Variants in AEBP2 observed in about 807,000 individuals in gnomAD.
AEBP2 encodes the protein AE binding protein 2.
A neutral mutation model predicts 50.8 loss-of-function variants in AEBP2; 10 were observed. That is an observed-to-expected ratio of 0.20 (90% confidence interval 0.12 to 0.33). The LOEUF (loss-of-function observed/expected upper bound fraction) is 0.33. Among genes scored for constraint, AEBP2 ranks in the 10% least tolerant of loss-of-function variants. The probability of loss-of-function intolerance (pLI) is 1.00; values close to 1 mark genes in which losing one functional copy is unlikely to be tolerated. For missense variants in AEBP2, 570 were observed against 688.0 expected (o/e 0.83, Z 1.92); for synonymous variants, 296 against 261.3 (o/e 1.13, Z -1.28).
At chr12:19,503,328 G>GGT (rs374431120) in intron 5 of AEBP2, among the ~76,000 whole-genome samples, 2,221 of 145,652 alleles carry the variant, frequency 0.015, 49 homozygotes, top group African/African-American at 0.048. Context: ...TGTATTCCTT[G>GGT]GTGTGTGTGT....
intron 1 of AEBP2, among the ~76,000 whole-genome samples, chr12:19,433,404 T>A (rs1461650502): frequency 6.6e-6 from 1 of 151,524 alleles, no homozygotes; most frequent in Admixed American, 6.6e-5. Context: ...AACAAAAAAT[T>A]CTAGTGGACT....
intron 7 of AEBP2, among the ~76,000 whole-genome samples, chr12:19,517,088 C>T (rs1335720639): frequency 2.0e-5 from 3 of 152,136 alleles, no homozygotes; most frequent in Non-Finnish European, 4.4e-5. Context: ...TTTCACTATT[C>T]TGGAAATCAG....
chr12:19,457,731 G>C, intron 1 of AEBP2: 2 of 798,562 alleles, frequency 2.5e-6, no homozygotes, highest in Non-Finnish European at 1.7e-6. Flanking sequence ...TAGTCAGAGA[G>C]ATCTTTTCGG....
At chr12:19,412,329 G>A (rs2095739693) in intron 1 of AEBP2, among the ~76,000 whole-genome samples, 1 of 152,022 alleles carries the variant, frequency 6.6e-6, no homozygotes. Flanking sequence ...CCAGGCTGGA[G>A]TGCAGTGGTG....
intron 1 of AEBP2, chr12:19,456,567 C>T: frequency 6.5e-7 from 1 of 1,540,182 alleles, no homozygotes; most frequent in Non-Finnish European, 9.0e-7. Context: ...AGGGGCATAG[C>T]CAGCACTTAT....
chr12:19,439,671 G>A lies in AEBP2; in HGVS notation c.-29G>A. 7.7e-7 allele frequency: 1 copy of A among 1,305,290 alleles called. No homozygotes were observed. The highest frequency in any genetic ancestry group is 1.0e-6 in the Non-Finnish European group (1 of 971,850). The allele number at this position is 1,305,290 out of a possible 1,614,324, so 80.9% of individuals were successfully genotyped here. ...GAGAGAGGGAGGCGGCGGTGGGGAG[G>A]AGGAGGAGGAGGAGGAGCAGGCGCC... On this transcript the variant is annotated 5_prime_UTR_variant, in exon 1 of 8. Transcript: ENST00000266508.
At chr12:19,517,535 A>G (rs1233881027) in intron 7 of AEBP2, among the ~76,000 whole-genome samples, 1 of 152,244 alleles carries the variant, frequency 6.6e-6, no homozygotes, top group Non-Finnish European at 1.5e-5. Context: ...GATTTAAAGT[A>G]TACAGAAGGA....
chr12:19,511,409 G>A (rs757519276), intron 5 of AEBP2, among the ~76,000 whole-genome samples: 1 of 151,090 alleles, frequency 6.6e-6, no homozygotes, highest in African/African-American at 2.4e-5. Flanking sequence ...GGCTAAAGGC[G>A]TTCAAGGCAG....
At chr12:19,445,698 T>C (rs1032019335) in intron 1 of AEBP2, among the ~76,000 whole-genome samples, 2 of 152,200 alleles carry the variant, frequency 1.3e-5, no homozygotes, top group African/African-American at 4.8e-5. Flanking sequence ...GTTAGATGTA[T>C]GACAAGAGTC....
chr12:19,471,315 T>C (rs1379451560), intron 2 of AEBP2, among the ~76,000 whole-genome samples: 1 of 152,188 alleles, frequency 6.6e-6, no homozygotes, highest in African/African-American at 2.4e-5. Context: ...GACAGGGTTA[T>C]GGCATGTTGC....
At chr12:19,450,665 A>G (rs1368820163) in intron 1 of AEBP2, among the ~76,000 whole-genome samples, 1 of 96,112 alleles carries the variant, frequency 1.0e-5, no homozygotes, top group African/African-American at 3.4e-5. Context: ...TCCCATCTCT[A>G]CCAAAAAAAA....
At chr12:19,470,409 G>A (rs1253312815) in intron 2 of AEBP2, among the ~76,000 whole-genome samples, 4 of 152,150 alleles carry the variant, frequency 2.6e-5, no homozygotes, top group South Asian at 2.1e-4. Flanking sequence ...CACCCACCTC[G>A]GCCTCCTAAA....
chr12:19,487,160 T>C (rs1948821147), intron 3 of AEBP2, among the ~76,000 whole-genome samples: 2 of 152,204 alleles, frequency 1.3e-5, no homozygotes, highest in African/African-American at 4.8e-5. Flanking sequence ...TCTTCAGAAA[T>C]TTTGAATATG....
intron 2 of AEBP2, among the ~76,000 whole-genome samples, chr12:19,472,988 A>G (rs896337230): frequency 9.9e-5 from 15 of 152,236 alleles, no homozygotes; most frequent in African/African-American, 1.7e-4. Context: ...ATATATTGCT[A>G]ATATTATATA....
chr12:19,478,054 G>A (rs113449501), intron 3 of AEBP2, among the ~76,000 whole-genome samples: 4,485 of 152,088 alleles, frequency 0.029, 68 homozygotes, highest in East Asian at 0.044. Context: ...TTTCTAATTG[G>A]GCTTATTTAG....
chr12:19,461,239 CTT>C (rs1387728747), intron 1 of AEBP2, among the ~76,000 whole-genome samples: 1 of 152,098 alleles, frequency 6.6e-6, no homozygotes, highest in Non-Finnish European at 1.5e-5. Flanking sequence ...TGAAAACATT[CTT>C]TCTCTTGACC....
At chr12:19,427,397 A>C (rs2095749131) in intron 1 of AEBP2, among the ~76,000 whole-genome samples, 1 of 151,738 alleles carries the variant, frequency 6.6e-6, no homozygotes. Context: ...AAAAAAAAAA[A>C]AACGCAGAGG....
chr12:19,506,515 G>T (rs1949157778), intron 5 of AEBP2, among the ~76,000 whole-genome samples: 1 of 152,160 alleles, frequency 6.6e-6, no homozygotes, highest in Non-Finnish European at 1.5e-5. Flanking sequence ...TTTGAAAGTT[G>T]TACTCACTGA....
intron 1 of AEBP2, among the ~76,000 whole-genome samples, chr12:19,416,257 A>T (rs117584046): frequency 0.022 from 3,406 of 152,338 alleles, 48 homozygotes; most frequent in East Asian, 0.043. Flanking sequence ...TCTAAAAGTC[A>T]TTCATGTCCA....
Sources: allele counts gnomAD v4.1 joint callset (sites outside exome capture counted in the v4.1 genomes callset), GRCh38; gene constraint gnomAD v4.1.1; transcripts MANE v1.5; gene names NCBI Gene and HGNC (gene_info 2026-07-23, HGNC 2026-07-21).